Variants in PANK4 observed in about 807,000 individuals in gnomAD.
The protein encoded by PANK4 is 4'-phosphopantetheine phosphatase.
In PANK4, 40 loss-of-function variants were observed where a neutral mutation model predicts 87.9. The observed-to-expected ratio is 0.46, with a 90% CI of 0.35 to 0.59. The LOEUF (loss-of-function observed/expected upper bound fraction) is 0.59. PANK4 is among the 20% of genes least tolerant of loss of function. PANK4 has a pLI of 0.00. For missense variants in PANK4, 926 were observed against 1,072.3 expected, an observed-to-expected ratio of 0.86 and a Z score of 1.90; for synonymous variants, 524 against 467.4, an observed-to-expected ratio of 1.12 and a Z score of -1.56.
At chr1:2,511,414 T>C (rs1206677535) in intron 14 of PANK4, 27 bp from the exon 15 acceptor site, 1 of 1,575,770 alleles carries the variant, frequency 6.3e-7, no homozygotes, top group South Asian at 1.1e-5. Flanking sequence ...GACACATGAT[T>C]AGCCCGGTGC....
chr1:2,512,038 A>G (rs1433375710), intron 13 of PANK4, among the ~76,000 whole-genome samples: 1 of 152,224 alleles, frequency 6.6e-6, no homozygotes, highest in Non-Finnish European at 1.5e-5. Flanking sequence ...CTGAGAGAGC[A>G]CAGGCTGTTT....
rs755263438 is a variant in PANK4, at chr1:2,510,816, C to A, written c.1834-34G>T. 2 of 1,263,626 alleles carry A rather than the reference C, an allele frequency of 1.6e-6. No homozygotes were observed. The highest frequency in any genetic ancestry group is 1.2e-6 in the Non-Finnish European group (1 of 861,230). 78.3% of individuals were successfully genotyped at this position (1,263,626 alleles called of 1,614,324 possible). ...CAAAACCAGGACGTTCAGTTGGGAACAGGCGCATCCAAGCGAGTCAGTCCG... is the reference window on the plus strand; with the variant it reads ...CAAAACCAGGACGTTCAGTTGGGAAAAGGCGCATCCAAGCGAGTCAGTCCG... On this transcript the variant is annotated intron_variant, in intron 15 of 18. Transcript: ENST00000378466. The surrounding 1 kb of genome is among the most constrained non-coding windows in gnomAD (Gnocchi z 4.9).
chr1:2,509,340 G>A lies in PANK4; in HGVS notation c.2109-280C>T, dbSNP rs2100767341. ...TGTCATTTTCACGCCCTCCTTGTTG[G>A]TGAGAGTGGGGCTGGGGCACAGATG... On this transcript the variant is annotated intron_variant, in intron 18 of 18. Coordinates refer to ENST00000378466, the MANE Select transcript of PANK4 (RefSeq NM_018216.4). The surrounding 1 kb of genome is among the most constrained non-coding windows in gnomAD (Gnocchi z 4.9). 6.6e-6 allele frequency among the ~76,000 whole-genome samples: 1 copy of A among 152,308 alleles called. No individual in the cohort carries two copies. Among genetic ancestry groups the A allele is most frequent in the South Asian group, 2.1e-4 (1 of 4,830 alleles).
chr1:2,526,516 G>A lies in PANK4; in HGVS notation c.72C>T (p.Pro24=). The change falls in exon 1 of 19, where the codon CCC becomes CCT. Residue 24 remains proline, a synonymous_variant. Coordinates refer to ENST00000378466, the MANE Select transcript of PANK4 (RefSeq NM_018216.4). ...DSLDKSITLP[P]DEIFRNLENA... The stretch of plus-strand genomic sequence containing the variant: ...TCTCCAGGTTGCGGAAGATCTCGTC[G>A]GGGGGCAGCGTGATGCTCTTGTCCA... 3.2e-6 allele frequency: 5 copies of A among 1,585,906 alleles called. No individual in the cohort carries two copies. Among genetic ancestry groups the A allele is most frequent in the Non-Finnish European group, 4.3e-6 (5 of 1,167,926 alleles).
Position 2,520,426 on chromosome 1 carries a change from C to G in PANK4, c.607-12G>C, listed in dbSNP as rs201806222. 2,696 of 1,611,116 alleles carry G rather than the reference C, an allele frequency of 1.7e-3. 17 individuals are homozygous for G. Among genetic ancestry groups the G allele is most frequent in the Non-Finnish European group, 1.3e-3 (1,551 of 1,178,656 alleles). Reference sequence around the variant, plus strand: ...TCCTCCGTCTCCACCTGCAACAGAGCCAGGGCAGGTGTGCCCTCAGTGGGC... The same window carrying G: ...TCCTCCGTCTCCACCTGCAACAGAGGCAGGGCAGGTGTGCCCTCAGTGGGC... On this transcript the variant is annotated splice_polypyrimidine_tract_variant and intron_variant, in intron 4 of 18. Coordinates refer to ENST00000378466, the MANE Select transcript of PANK4 (RefSeq NM_018216.4). The surrounding 1 kb of genome is among the most constrained non-coding windows in gnomAD (Gnocchi z 6.2).
chr1:2,518,701 C>G, intron 7 of PANK4, 104 bp from the exon 8 acceptor site: 1 of 965,040 alleles, frequency 1.0e-6, no homozygotes, highest in Non-Finnish European at 1.6e-6. Context: ...CGGCCCAAAC[C>G]CTCGAAGAGG....
At chr1:2,521,043 A>T in intron 3 of PANK4, 58 bp downstream of exon 3, 1 of 1,537,202 alleles carries the variant, frequency 6.5e-7, no homozygotes, top group Non-Finnish European at 9.0e-7. Context: ...GCTCTGGGAC[A>T]CCCAGGGACT....
Position 2,510,563 on chromosome 1 carries a change from C to A in PANK4, c.1938+115G>T. The A allele has an allele frequency of 2.9e-6, 2 of 700,554 alleles. No individual in the cohort carries two copies. The highest frequency in any genetic ancestry group is 5.1e-6 in the Non-Finnish European group (2 of 393,916). 43.4% of individuals were successfully genotyped at this position (700,554 alleles called of 1,614,324 possible). A position where few individuals can be genotyped will look rare whatever the true frequency, so the allele number is the denominator to read the frequency against. ...GCCTCCCCCGTGCTGCTGCCTGCACCTACCTGCTGCGTCCGGAGGAGCCCC... is the reference window on the plus strand; with the variant it reads ...GCCTCCCCCGTGCTGCTGCCTGCACATACCTGCTGCGTCCGGAGGAGCCCC... On this transcript the variant is annotated intron_variant, in intron 16 of 18. Coordinates refer to ENST00000378466, the MANE Select transcript of PANK4 (RefSeq NM_018216.4). This position sits in a 1 kb window ranked among gnomAD's most constrained non-coding sequence, Gnocchi z 4.9.
At chr1:2,518,725 A>G (rs1187543809) in intron 7 of PANK4, 128 bp from the exon 8 acceptor site, 4 of 755,518 alleles carry the variant, frequency 5.3e-6, no homozygotes, top group South Asian at 4.5e-5. Flanking sequence ...CATGGCACCC[A>G]CGGCATACTT....
chr1:2,521,993 T>C, intron 1 of PANK4, 193 bp from the exon 2 acceptor site: 2 of 593,400 alleles, frequency 3.4e-6, no homozygotes, highest in Non-Finnish European at 3.0e-6. Context: ...TCTACACTTT[T>C]CTTTCTCAAA....
At chr1:2,511,860 T>A (rs773390639) in intron 13 of PANK4, among the ~76,000 whole-genome samples, 177 bp from the exon 14 acceptor site, 1 of 148,898 alleles carries the variant, frequency 6.7e-6, no homozygotes, top group Non-Finnish European at 1.5e-5. Context: ...AGACCCCAAA[T>A]CACTCCCAGG....
chr1:2,521,602 C>T (rs750888358), intron 2 of PANK4, 116 bp downstream of exon 2: 10 of 893,348 alleles, frequency 1.1e-5, no homozygotes, highest in Admixed American at 5.1e-5. Flanking sequence ...CTAGAAACTC[C>T]CAGGACACTA....
In PANK4 at chr1:2,520,988, A is replaced by G. The variant is rs1643870204; in HGVS notation, c.423-82T>C. 3.9e-6 allele frequency: 6 copies of G among 1,525,366 alleles called. No homozygotes were observed. The highest frequency in any genetic ancestry group is 3.6e-5 in the Admixed American group (2 of 55,658). 94.5% of individuals were successfully genotyped at this position (1,525,366 alleles called of 1,614,324 possible). On this transcript the variant is annotated intron_variant, in intron 3 of 18. Transcript: ENST00000378466. This position sits in a 1 kb window ranked among gnomAD's most constrained non-coding sequence, Gnocchi z 6.2. The stretch of plus-strand genomic sequence containing the variant: ...GCAAGCCTGCCTGGTCCGAAGGGGC[A>G]GCCATGCCCCATGCGCAATCTGACA...
Position 2,520,795 on chromosome 1 carries a change from C to G in PANK4, c.534G>C (p.Arg178=), listed in dbSNP as rs1175506498. The change falls in exon 4 of 19, where the codon CGG becomes CGC. Residue 178 remains arginine (R), a synonymous_variant. Coordinates refer to ENST00000378466, the MANE Select transcript of PANK4 (RefSeq NM_018216.4). The surrounding 1 kb of genome is among the most constrained non-coding windows in gnomAD (Gnocchi z 6.2). ...AAATGTGGGGGTGGTTGGTCTGGAA[C>G]CGGAACTCAGGGTCGGAATCCTTCT... ...VYQKDSDPEF[R]FQTNHPHIFP... 4.3e-6 allele frequency: 7 copies of G among 1,612,842 alleles called. No homozygotes were observed. The East Asian group carries it at 1.6e-4, about 36-fold the overall frequency.
rs144719886 is a variant in PANK4, at chr1:2,517,114, G to A, written c.1218+1050C>T. Among the ~76,000 whole-genome samples, 930 of 152,328 alleles carry A rather than the reference G, an allele frequency of 6.1e-3. 9 individuals carry two copies. The highest frequency in any genetic ancestry group is 0.021 in the African/African-American group (863 of 41,572). ...GGCAAATCAGAAACTGAGGCTGGAA[G>A]ACACCAAGCCCCTCTGCCCAACAGC... On this transcript the variant is annotated intron_variant, in intron 9 of 18. Transcript: ENST00000378466.
intron 1 of PANK4, among the ~76,000 whole-genome samples, chr1:2,523,128 G>A (rs1251249623): frequency 2.0e-5 from 3 of 152,196 alleles, no homozygotes; most frequent in Admixed American, 2.0e-4. Context: ...CTGAGAACAA[G>A]CACTCAGGTC....
At position 2,521,209 on chromosome 1, in the gene PANK4, A is replaced by C. The variant is rs1643872345; in HGVS notation, c.314T>G (p.Leu105Arg). The C allele has an allele frequency of 1.2e-6, 2 of 1,613,788 alleles. No homozygotes were observed. Among genetic ancestry groups the C allele is most frequent in the African/African-American group, 2.7e-5 (2 of 74,948 alleles). ...GACGAGATGGTCTTTGATGAAGTCCAGGCAGGCTTCGATGTAGGTATTCTC... is the reference window on the plus strand; with the variant it reads ...GACGAGATGGTCTTTGATGAAGTCCCGGCAGGCTTCGATGTAGGTATTCTC... ...KFENTYIEAC[L>R]DFIKDHLVNT... Residue 105 changes from leucine to arginine, a missense_variant, in exon 3 of 19, where the codon CTG becomes CGG. Physicochemically the swap from Leu to Arg is moderately radical, Grantham distance 102 (BLOSUM62 -2). Transcript: ENST00000378466.
intron 1 of PANK4, chr1:2,525,877 C>A (rs1643917729): frequency 6.6e-6 from 1 of 152,262 alleles, no homozygotes; most frequent in South Asian, 2.1e-4. Context: ...CGTCCACGGC[C>A]GCCTGAACTC....
At chr1:2,511,316 G>A (rs1307464096) in intron 15 of PANK4, 22 bp downstream of exon 15, 2 of 1,578,372 alleles carry the variant, frequency 1.3e-6, no homozygotes, top group Admixed American at 3.3e-5. Flanking sequence ...CAGCAGCAGA[G>A]GTGGGAGGCC....
Sources: gnomAD v4.1 joint callset for allele counts (sites outside exome capture counted in the v4.1 genomes callset) on GRCh38, gnomAD v4.1.1 for gene constraint, Gnocchi (gnomAD v3.1) non-coding constraint, MANE v1.5 for transcripts, NCBI Gene and HGNC (gene_info 2026-07-23, HGNC 2026-07-21) for gene names.